NAPG: variants seen among roughly 807,000 people sequenced by gnomAD.
NAPG encodes NSF attachment protein gamma, also known as gamma-soluble NSF attachment protein.
NAPG carries 25 observed loss-of-function variants against 48.4 expected under a neutral mutation model. The observed-to-expected ratio is 0.52, with a 90% confidence interval of 0.38 to 0.72. The LOEUF is 0.72. Among genes scored for constraint, NAPG ranks in the 30% least tolerant of loss-of-function variants. The probability of loss-of-function intolerance (pLI) is 0.00; values close to 1 mark genes in which losing one functional copy is unlikely to be tolerated. For missense variants in NAPG, 359 were observed against 372.5 expected (o/e 0.96, Z 0.30); for synonymous variants, 139 against 127.2 (o/e 1.09, Z -0.62).
At chr18:10,528,179 CTG>C (rs1392245405) in intron 1 of NAPG, among the ~76,000 whole-genome samples, 12 of 151,538 alleles carry the variant, frequency 7.9e-5, no homozygotes, top group Admixed American at 4.6e-4. Flanking sequence ...GAGCAAGACT[CTG>C]TATCAAAAAA....
Position 10,534,372 on chromosome 18 carries a change from AG to A in NAPG, c.228-93del, listed in dbSNP as rs2031990205. On this transcript the variant is annotated intron_variant, in intron 4 of 11. Coordinates refer to ENST00000322897, the MANE Select transcript of NAPG (RefSeq NM_003826.3). The surrounding 1 kb of genome is among the most constrained non-coding windows in gnomAD (Gnocchi z 5.0). ...TTGTGCATGAGCCCATTGTAATTGA[AG>A]TCACTTTCCTTACCAGTAGTTCCTC... 9.6e-6 allele frequency: 9 copies of A among 942,358 alleles called. No individual in the cohort carries two copies. The Admixed American group carries it at 1.7e-4, about 17-fold the overall frequency. The allele number at this position is 942,358 out of a possible 1,614,324, so 58.4% of individuals were successfully genotyped here.
rs997650479 is a variant in NAPG at position 10,551,606 on chromosome 18, A to C, written c.*1386A>C. The C allele has an allele frequency of 2.0e-5, 3 of 152,324 alleles. No homozygotes were observed. Among genetic ancestry groups the C allele is most frequent in the Middle Eastern group, 3.4e-3 (1 of 292 alleles). 9.4% of individuals were successfully genotyped at this position (152,324 alleles called of 1,614,324 possible). A position where few individuals can be genotyped will look rare whatever the true frequency, so the allele number is the denominator to read the frequency against. On this transcript the variant is annotated 3_prime_UTR_variant, in exon 12 of 12. Coordinates refer to ENST00000322897, the MANE Select transcript of NAPG (RefSeq NM_003826.3). ...TGCGTTCTGCAGGTACACGCTGCCA[A>C]AGTAATTCCTGCTCATCCATGCCCT...
chr18:10,533,045 T>G, intron 3 of NAPG: 1 of 391,170 alleles, frequency 2.6e-6, no homozygotes, highest in Non-Finnish European at 4.6e-6. Flanking sequence ...ATGATGGTTT[T>G]ACTTGGGATG....
rs904670973 is a variant in NAPG at position 10,551,273 on chromosome 18, T to C, written c.*1053T>C. 6.6e-6 allele frequency: 1 copy of C among 152,082 alleles called. No homozygotes were observed. The highest frequency in any genetic ancestry group is 2.4e-5 in the African/African-American group (1 of 41,420). 9.4% of individuals were successfully genotyped at this position (152,082 alleles called of 1,614,324 possible). ...TTCTAACATTGTAAGAATGAGGTAA[T>C]GTTTCCATCAGTCTAATACAGATAT... On this transcript the variant is annotated 3_prime_UTR_variant, in exon 12 of 12. Transcript: ENST00000322897.
At chr18:10,549,333 T>C (rs1339620968) in intron 11 of NAPG, among the ~76,000 whole-genome samples, 1 of 152,230 alleles carries the variant, frequency 6.6e-6, no homozygotes, top group Non-Finnish European at 1.5e-5. Flanking sequence ...CTGTTGACCA[T>C]ATACATATTT....
chr18:10,549,587 A>C (rs974614554), intron 11 of NAPG, among the ~76,000 whole-genome samples: 1 of 152,234 alleles, frequency 6.6e-6, no homozygotes, highest in Non-Finnish European at 1.5e-5. Flanking sequence ...GACTGTTGTG[A>C]AGAATACATT....
At position 10,549,589 on chromosome 18, in the gene NAPG, G is replaced by C. The variant is rs549980667; in HGVS notation, c.796-488G>C. On this transcript the variant is annotated intron_variant, in intron 11 of 11. Transcript: ENST00000322897. ...ACCTGTCTTGCTGGACTGTTGTGAA[G>C]AATACATTAGTCAGTGTGTGAGAAA... 2.2e-4 allele frequency among the ~76,000 whole-genome samples: 34 copies of C among 152,336 alleles called. No individual in the cohort carries two copies. In the South Asian group the frequency reaches 4.1e-3, roughly 19 times the overall value.
intron 4 of NAPG, among the ~76,000 whole-genome samples, chr18:10,533,934 C>T (rs897199722): frequency 6.6e-6 from 1 of 152,102 alleles, no homozygotes; most frequent in African/African-American, 2.4e-5. Flanking sequence ...CACTTGAGGT[C>T]AGGAGTTCAA....
rs1255428611 is a variant in NAPG at position 10,539,548 on chromosome 18, A to T, written c.259-214A>T. 7.9e-6 allele frequency: 4 copies of T among 507,662 alleles called. No individual in the cohort carries two copies. The highest frequency in any genetic ancestry group is 1.4e-5 in the Non-Finnish European group (4 of 281,900). The allele number at this position is 507,662 out of a possible 1,614,324, so 31.4% of individuals were successfully genotyped here. A position where few individuals can be genotyped will look rare whatever the true frequency, so the allele number is the denominator to read the frequency against. Reference sequence around the variant, plus strand: ...ATAAGGGGAGGGAGAGCACTAGGACAAATACCTAATGCATGCGGGGCTTAA... The same window carrying T: ...ATAAGGGGAGGGAGAGCACTAGGACTAATACCTAATGCATGCGGGGCTTAA... On this transcript the variant is annotated intron_variant, in intron 5 of 11. Transcript: ENST00000322897. This position sits in a 1 kb window ranked among gnomAD's most constrained non-coding sequence, Gnocchi z 4.7.
Position 10,548,421 on chromosome 18 carries a change from C to T in NAPG, c.665+43C>T, listed in dbSNP as rs751489131. 4 of 1,467,680 alleles carry T rather than the reference C, an allele frequency of 2.7e-6. No individual in the cohort carries two copies. Among genetic ancestry groups the T allele is most frequent in the Non-Finnish European group, 3.8e-6 (4 of 1,047,910 alleles). 90.9% of individuals were successfully genotyped at this position (1,467,680 alleles called of 1,614,324 possible). A position where few individuals can be genotyped will look rare whatever the true frequency, so the allele number is the denominator to read the frequency against. ...CCCTCTTGACTTGCAGTGGCGACAC[C>T]TCTGTGTCTACAACTAAGATTGCTG... On this transcript the variant is annotated intron_variant, in intron 10 of 11. Coordinates refer to ENST00000322897, the MANE Select transcript of NAPG (RefSeq NM_003826.3). This position sits in a 1 kb window ranked among gnomAD's most constrained non-coding sequence, Gnocchi z 4.4.
chr18:10,532,987 G>C, intron 3 of NAPG, 192 bp downstream of exon 3: 1 of 513,890 alleles, frequency 1.9e-6, no homozygotes. Context: ...GTCCACACTG[G>C]TTCGCAGAGC....
chr18:10,527,187 CA>C (rs775618160), intron 1 of NAPG, among the ~76,000 whole-genome samples: 1,138 of 105,512 alleles, frequency 0.011, 8 homozygotes, highest in African/African-American at 0.035. Flanking sequence ...GACTCCGTCT[CA>C]AAAAAAAAAA....
chr18:10,532,363 A>C (rs572779412), intron 2 of NAPG, among the ~76,000 whole-genome samples: 46 of 152,304 alleles, frequency 3.0e-4, no homozygotes, highest in Middle Eastern at 3.4e-3. Context: ...AAAACTGGTG[A>C]AGTAAGGTGC....
At chr18:10,549,781 A>G (rs1054790226) in intron 11 of NAPG, among the ~76,000 whole-genome samples, 2 of 152,112 alleles carry the variant, frequency 1.3e-5, no homozygotes, top group Admixed American at 1.3e-4. Context: ...TATTATAATG[A>G]TATATGTAGA....
chr18:10,539,753 T>C lies in NAPG; in HGVS notation c.259-9T>C. ...TTGCTGACCTGTCTACTGTATCCTT[T>C]GCCCAAAGGAGATGCAGAAACTACC... On this transcript the variant is annotated splice_polypyrimidine_tract_variant and intron_variant, in intron 5 of 11. Coordinates refer to ENST00000322897, the MANE Select transcript of NAPG (RefSeq NM_003826.3). This position sits in a 1 kb window ranked among gnomAD's most constrained non-coding sequence, Gnocchi z 4.7. The C allele has an allele frequency of 6.2e-7, 1 of 1,611,604 alleles. No homozygotes were observed. Among genetic ancestry groups the C allele is most frequent in the Non-Finnish European group, 8.5e-7 (1 of 1,177,798 alleles).
intron 5 of NAPG, among the ~76,000 whole-genome samples, chr18:10,535,127 TG>T (rs1333571713): frequency 6.6e-6 from 1 of 152,212 alleles, no homozygotes; most frequent in African/African-American, 2.4e-5. Context: ...TTTTTAAAAA[TG>T]TTTTTTTCTA....
chr18:10,527,813 C>T (rs2031850283), intron 1 of NAPG, among the ~76,000 whole-genome samples: 1 of 152,196 alleles, frequency 6.6e-6, no homozygotes, highest in Admixed American at 6.5e-5. Flanking sequence ...TGGGGCCAGA[C>T]TGTGAAGGGA....
chr18:10,544,599 A>G lies in NAPG; in HGVS notation c.507-1727A>G, dbSNP rs2032223887. Among the ~76,000 whole-genome samples the G allele has an allele frequency of 6.6e-6, 1 of 152,172 alleles. No individual in the cohort carries two copies. The highest frequency in any genetic ancestry group is 6.5e-5 in the Admixed American group (1 of 15,280). The stretch of plus-strand genomic sequence containing the variant: ...GACATCAGGAGTACTCTGGCCTCTA[A>G]CTTAAGGAAGGGCCCACCTGATTAA... On this transcript the variant is annotated intron_variant, in intron 8 of 11. Transcript: ENST00000322897. The surrounding 1 kb of genome is among the most constrained non-coding windows in gnomAD (Gnocchi z 5.1).
rs1366886424 is a variant in NAPG, at chr18:10,551,853, T to G, written c.*1633T>G. ...TACAAAATGCTAATAAATTTAATGT[T>G]TTTCTTCCTTAATTTATTGGCATAG... On this transcript the variant is annotated 3_prime_UTR_variant, in exon 12 of 12. Transcript: ENST00000322897. 2 of 152,196 alleles carry G rather than the reference T, an allele frequency of 1.3e-5. No individual in the cohort carries two copies. The highest frequency in any genetic ancestry group is 2.9e-5 in the Non-Finnish European group (2 of 68,034). The allele number at this position is 152,196 out of a possible 1,614,324, so 9.4% of individuals were successfully genotyped here.
Sources: gnomAD v4.1 joint callset for allele counts (sites outside exome capture counted in the v4.1 genomes callset) on GRCh38, gnomAD v4.1.1 for gene constraint, Gnocchi (gnomAD v3.1) non-coding constraint, MANE v1.5 for transcripts, NCBI Gene and HGNC (gene_info 2026-07-23, HGNC 2026-07-21) for gene names.